Variants in MPC2 observed in about 807,000 individuals in gnomAD.
MPC2 encodes the protein brain protein 44.
In MPC2, 19 loss-of-function variants were observed where a neutral mutation model predicts 19.2. The ratio of observed to expected loss-of-function variants is 0.99; its 90% CI spans 0.69 to 1.45. The LOEUF is 1.45. Among genes scored for constraint, MPC2 ranks in the 40% most tolerant of loss-of-function variants. MPC2 has a pLI of 0.00. For synonymous variants in MPC2, 61 were observed against 54.3 expected, an observed-to-expected ratio of 1.12 and a Z score of -0.54; for missense variants, 122 against 153.0, an observed-to-expected ratio of 0.80 and a Z score of 1.07.
At chr1:167,925,475 A>ATATAT (rs60741565) in intron 2 of MPC2, among the ~76,000 whole-genome samples, 1 of 98,502 alleles carries the variant, frequency 1.0e-5, no homozygotes, top group African/African-American at 5.5e-5. Context: ...ATATATATAT[A>ATATAT]CATATACATA....
At chr1:167,926,478 A>G (rs909869601) in intron 2 of MPC2, among the ~76,000 whole-genome samples, 1 of 152,228 alleles carries the variant, frequency 6.6e-6, no homozygotes, top group Non-Finnish European at 1.5e-5. Context: ...AGGGGAATAT[A>G]AAAGAAAACA....
chr1:167,930,551 A>G (rs538193626), intron 2 of MPC2, among the ~76,000 whole-genome samples: 1 of 152,254 alleles, frequency 6.6e-6, no homozygotes, highest in Non-Finnish European at 1.5e-5. Flanking sequence ...AATGTAAGAA[A>G]AGTCCTAAGA....
chr1:167,925,539 T>C (rs1448022316), intron 2 of MPC2, among the ~76,000 whole-genome samples: 2 of 145,046 alleles, frequency 1.4e-5, no homozygotes, highest in African/African-American at 5.0e-5. Flanking sequence ...TTTTGGTTTT[T>C]TTTTTGGTTT....
At chr1:167,931,106 A>G (rs1670896182) in intron 2 of MPC2, among the ~76,000 whole-genome samples, 1 of 152,098 alleles carries the variant, frequency 6.6e-6, no homozygotes, top group Non-Finnish European at 1.5e-5. Flanking sequence ...TAAATTTCGT[A>G]TTTTTAGTAG....
chr1:167,925,442 C>CACACATATAT (rs1553200803), intron 2 of MPC2, among the ~76,000 whole-genome samples: 1 of 82,478 alleles, frequency 1.2e-5, no homozygotes, highest in African/African-American at 5.1e-5. Context: ...TACATATACA[C>CACACATATAT]ATATATATAT....
intron 3 of MPC2, 97 bp downstream of exon 3, chr1:167,924,400 A>G (rs766462490): frequency 2.0e-6 from 2 of 982,158 alleles, no homozygotes; most frequent in Middle Eastern, 3.0e-4. Flanking sequence ...TACCAAGAAT[A>G]CTCTAAAGTA....
intron 2 of MPC2, among the ~76,000 whole-genome samples, chr1:167,935,201 A>C (rs1366734772): frequency 6.6e-6 from 1 of 152,148 alleles, no homozygotes; most frequent in Non-Finnish European, 1.5e-5. Context: ...AACACACTGG[A>C]CCTATGGGAT....
At chr1:167,934,520 A>G (rs994665898) in intron 2 of MPC2, among the ~76,000 whole-genome samples, 1 of 152,232 alleles carries the variant, frequency 6.6e-6, no homozygotes, top group Admixed American at 6.5e-5. Flanking sequence ...CTTAATGATC[A>G]GTTTTATAAT....
At chr1:167,928,183 C>G (rs1020068856) in intron 2 of MPC2, among the ~76,000 whole-genome samples, 1 of 152,070 alleles carries the variant, frequency 6.6e-6, no homozygotes, top group African/African-American at 2.4e-5. Context: ...CCTGTCTCTA[C>G]TAAAAATACA....
intron 2 of MPC2, among the ~76,000 whole-genome samples, chr1:167,929,845 A>G (rs1670860737): frequency 6.6e-6 from 1 of 152,176 alleles, no homozygotes; most frequent in African/African-American, 2.4e-5. Flanking sequence ...TTCTTACTGA[A>G]TGCTAAGAGG....
chr1:167,919,686 C>T lies in MPC2; in HGVS notation c.347+293G>A, dbSNP rs1017270827. On this transcript the variant is annotated intron_variant, in intron 5 of 5. Transcript: ENST00000271373. The stretch of plus-strand genomic sequence containing the variant: ...AAAGAGATTATGTGAGATGGTTAAC[C>T]ATCTAAATGATGCACAGTTAAATCT... Among the ~76,000 whole-genome samples, 13 of 151,990 alleles carry T rather than the reference C, an allele frequency of 8.6e-5. 1 individual carries two copies. The East Asian group carries it at 2.3e-3, about 27-fold the overall frequency.
Position 167,918,124 on chromosome 1 carries a change from T to G in MPC2, c.*199A>C, listed in dbSNP as rs1311937414. On this transcript the variant is annotated 3_prime_UTR_variant, in exon 6 of 6. Coordinates refer to ENST00000271373, the MANE Select transcript of MPC2 (RefSeq NM_001143674.4). ...AAATGGTAGAAAAATGTTACTAATA[T>G]CCATAGATAAGTTCCTTAAGTCATG... The G allele has an allele frequency of 4.4e-6, 2 of 452,290 alleles. No individual in the cohort carries two copies. Among genetic ancestry groups the G allele is most frequent in the Non-Finnish European group, 7.8e-6 (2 of 255,318 alleles). 28.0% of individuals were successfully genotyped at this position (452,290 alleles called of 1,614,324 possible).
At chr1:167,934,280 C>G (rs1670996499) in intron 2 of MPC2, among the ~76,000 whole-genome samples, 1 of 152,152 alleles carries the variant, frequency 6.6e-6, no homozygotes, top group Non-Finnish European at 1.5e-5. Context: ...TAAAATTACT[C>G]TTACTCTGTC....
intron 2 of MPC2, among the ~76,000 whole-genome samples, chr1:167,933,844 T>C (rs1670984491): frequency 6.6e-6 from 1 of 152,264 alleles, no homozygotes; most frequent in East Asian, 1.9e-4. Context: ...TTACTCTGTA[T>C]GTTGCTCAAA....
chr1:167,925,474 T>TATAC lies in MPC2; in HGVS notation c.110-938_110-937insGTAT, dbSNP rs1435671188. ...ATATATATATATATATATATATATATACATATACATATACACACACATATA... is the reference window on the plus strand; with the variant it reads ...ATATATATATATATATATATATATATATACACATATACATATACACACACATATA... On this transcript the variant is annotated intron_variant, in intron 2 of 5. Transcript: ENST00000271373. Among the ~76,000 whole-genome samples, 48 of 96,808 alleles carry TATAC rather than the reference T, an allele frequency of 5.0e-4. 1 individual carries two copies. In the South Asian group the frequency reaches 0.011, roughly 23 times the overall value. The allele number at this position is 96,808 out of a possible 152,430, so 63.5% of individuals were successfully genotyped here. A position where few individuals can be genotyped will look rare whatever the true frequency, so the allele number is the denominator to read the frequency against.
chr1:167,935,701 G>A (rs752004373), intron 2 of MPC2, 32 bp downstream of exon 2: 23 of 1,525,068 alleles, frequency 1.5e-5, no homozygotes, highest in African/African-American at 2.8e-5. Context: ...GAGAAGGAAG[G>A]TCTCGATAAG....
chr1:167,925,980 C>T (rs1670747946), intron 2 of MPC2, among the ~76,000 whole-genome samples: 1 of 152,152 alleles, frequency 6.6e-6, no homozygotes, highest in Non-Finnish European at 1.5e-5. Flanking sequence ...ATCCTAAAGT[C>T]CTACAGCAAT....
At chr1:167,929,150 G>A (rs1160658487) in intron 2 of MPC2, among the ~76,000 whole-genome samples, 5 of 150,904 alleles carry the variant, frequency 3.3e-5, no homozygotes, top group Admixed American at 6.6e-5. Context: ...CCAGAGGTGG[G>A]GAGTTTGAGA....
chr1:167,930,074 A>G (rs899611078), intron 2 of MPC2, among the ~76,000 whole-genome samples: 1 of 152,234 alleles, frequency 6.6e-6, no homozygotes, highest in African/African-American at 2.4e-5. Context: ...TTTGTGCCAA[A>G]GCTAGTTCTG....
Sources: gnomAD v4.1 joint callset for allele counts (sites outside exome capture counted in the v4.1 genomes callset) on GRCh38, gnomAD v4.1.1 for gene constraint, MANE v1.5 for transcripts, NCBI Gene and HGNC (gene_info 2026-07-23, HGNC 2026-07-21) for gene names.